SNTG2: variants seen among roughly 807,000 people sequenced by gnomAD.
SNTG2 encodes the protein syntrophin gamma 2.
SNTG2 carries 74 observed loss-of-function variants against 70.9 expected under a neutral mutation model. The ratio of observed to expected loss-of-function variants is 1.04; its 90% CI spans 0.86 to 1.27. SNTG2 has a LOEUF of 1.27. SNTG2 is among the 50% of genes most tolerant of loss of function. The pLI is 0.00. For missense variants in SNTG2, 717 were observed against 690.7 expected (o/e 1.04, Z -0.43); for synonymous variants, 278 against 273.8 (o/e 1.02, Z -0.15).
chr2:1,341,980 G>A (rs568583407), intron 16 of SNTG2, among the ~76,000 whole-genome samples: 2 of 152,064 alleles, frequency 1.3e-5, no homozygotes, highest in East Asian at 3.9e-4. Context: ...CAAAGCACTG[G>A]GATTACAGCT....
chr2:1,176,644 T>A (rs1280523343), intron 8 of SNTG2, among the ~76,000 whole-genome samples: 21 of 129,726 alleles, frequency 1.6e-4, no homozygotes, highest in Non-Finnish European at 2.8e-4. Flanking sequence ...TAAAACAAAT[T>A]TACAAGAAAA....
chr2:1,316,225 T>C (rs1453768489), intron 15 of SNTG2, 40 bp from the exon 16 acceptor site: 2 of 977,396 alleles, frequency 2.0e-6, no homozygotes, highest in Non-Finnish European at 3.1e-6. Context: ...ATAAATGAGC[T>C]CTTGTTTAGA....
chr2:1,000,610 A>C (rs1195765475), intron 1 of SNTG2, among the ~76,000 whole-genome samples: 1 of 151,766 alleles, frequency 6.6e-6, no homozygotes, highest in African/African-American at 2.4e-5. Context: ...TAACTTATTA[A>C]GTTGAATAAA....
chr2:1,286,034 C>G (rs1322505932), intron 14 of SNTG2, among the ~76,000 whole-genome samples: 1 of 152,238 alleles, frequency 6.6e-6, no homozygotes, highest in Admixed American at 6.5e-5. Context: ...TGTAACTCCT[C>G]TCTTAGCCTC....
At chr2:1,307,451 G>GTA (rs1680748425) in intron 14 of SNTG2, among the ~76,000 whole-genome samples, 1 of 151,716 alleles carries the variant, frequency 6.6e-6, no homozygotes, top group Admixed American at 6.6e-5. Flanking sequence ...GTGTGTGTGT[G>GTA]TGTGTGTATG....
intron 1 of SNTG2, among the ~76,000 whole-genome samples, chr2:965,532 C>T (rs912174429): frequency 1.3e-5 from 2 of 150,970 alleles, no homozygotes; most frequent in East Asian, 2.0e-4. Flanking sequence ...CCTGGCCTCT[C>T]GGTCCTCCTC....
chr2:1,057,491 C>G (rs1210778931), intron 1 of SNTG2, among the ~76,000 whole-genome samples: 2 of 152,100 alleles, frequency 1.3e-5, no homozygotes, highest in Non-Finnish European at 2.9e-5. Flanking sequence ...AGCTGGAGTC[C>G]GATGTGCGAG....
rs560254220 is a variant in SNTG2 at position 1,023,583 on chromosome 2, G to A, written c.73-59935G>A. ...TATTTTTATTTATGGTTTCATCGTC[G>A]AACATTTTTATGTTGTGGACAGTGT... is the stretch of plus-strand genomic sequence containing the variant. On this transcript the variant is annotated intron_variant, in intron 1 of 16. Transcript: ENST00000308624. 1.5e-3 allele frequency among the ~76,000 whole-genome samples: 227 copies of A among 152,134 alleles called. 1 individual carries two copies. Among genetic ancestry groups the A allele is most frequent in the African/African-American group, 5.3e-3 (219 of 41,496 alleles).
At chr2:1,102,173 C>T (rs542886131) in intron 4 of SNTG2, among the ~76,000 whole-genome samples, 24 of 152,242 alleles carry the variant, frequency 1.6e-4, no homozygotes, top group South Asian at 8.3e-4. Flanking sequence ...TGAGCGAAAC[C>T]GTGGTACAGA....
intron 14 of SNTG2, among the ~76,000 whole-genome samples, chr2:1,305,128 T>C (rs1041590315): frequency 6.6e-6 from 1 of 152,188 alleles, no homozygotes; most frequent in African/African-American, 2.4e-5. Flanking sequence ...AAGTTCAGTA[T>C]GAAAAGACTG....
At chr2:1,055,091 A>C (rs941901930) in intron 1 of SNTG2, among the ~76,000 whole-genome samples, 1 of 152,154 alleles carries the variant, frequency 6.6e-6, no homozygotes, top group African/African-American at 2.4e-5. Context: ...AGCCCACGTC[A>C]GGTACTGCTG....
chr2:1,002,979 A>G (rs1288725865), intron 1 of SNTG2, among the ~76,000 whole-genome samples: 1 of 152,032 alleles, frequency 6.6e-6, no homozygotes, highest in Non-Finnish European at 1.5e-5. Context: ...CATTATCTTA[A>G]ACGAATTAAC....
intron 15 of SNTG2, among the ~76,000 whole-genome samples, 174 bp downstream of exon 15, chr2:1,308,760 C>T (rs1015983631): frequency 2.0e-5 from 3 of 152,030 alleles, no homozygotes; most frequent in African/African-American, 4.8e-5. Context: ...GCCCCAGGAT[C>T]GCCACAAGCC....
rs141667135 is a variant in SNTG2 at position 1,323,729 on chromosome 2, C to T, written c.1488+7354C>T. Among the ~76,000 whole-genome samples, 914 of 148,908 alleles carry T rather than the reference C, an allele frequency of 6.1e-3. 4 individuals are homozygous for T. Among genetic ancestry groups the T allele is most frequent in the African/African-American group, 0.021 (859 of 40,294 alleles). Reference sequence around the variant, plus strand: ...GCTAACAGTCACATGGCTGAGACCTCCCCCCACCCAGTAGTGTGGGACATG... The same window carrying T: ...GCTAACAGTCACATGGCTGAGACCTTCCCCCACCCAGTAGTGTGGGACATG... On this transcript the variant is annotated intron_variant, in intron 16 of 16. Transcript: ENST00000308624.
chr2:1,061,232 C>T (rs1279039899), intron 1 of SNTG2, among the ~76,000 whole-genome samples: 2 of 152,108 alleles, frequency 1.3e-5, no homozygotes, highest in African/African-American at 4.8e-5. Flanking sequence ...GATGTGACAG[C>T]ACAAAGCCGT....
intron 4 of SNTG2, among the ~76,000 whole-genome samples, chr2:1,098,823 A>G (rs991394355): frequency 1.3e-5 from 2 of 152,238 alleles, no homozygotes; most frequent in Non-Finnish European, 2.9e-5. Context: ...TTGCAGGACT[A>G]GCTGACCGCG....
At chr2:1,055,120 G>A (rs1174377452) in intron 1 of SNTG2, among the ~76,000 whole-genome samples, 1 of 152,198 alleles carries the variant, frequency 6.6e-6, no homozygotes, top group African/African-American at 2.4e-5. Flanking sequence ...TATAAATGCT[G>A]TTAACTCTGC....
At chr2:1,003,449 G>A (rs767376699) in intron 1 of SNTG2, among the ~76,000 whole-genome samples, 5 of 152,148 alleles carry the variant, frequency 3.3e-5, no homozygotes, top group Non-Finnish European at 7.4e-5. Context: ...CCAGTTGGAG[G>A]CTTCCATAAT....
At chr2:1,289,229 A>G (rs952998455) in intron 14 of SNTG2, among the ~76,000 whole-genome samples, 2 of 152,022 alleles carry the variant, frequency 1.3e-5, no homozygotes, top group African/African-American at 4.8e-5. Context: ...ACTTGTCTGC[A>G]GCTCATTCTG....
Sources: allele counts gnomAD v4.1 joint callset (sites outside exome capture counted in the v4.1 genomes callset), GRCh38; gene constraint gnomAD v4.1.1; transcripts MANE v1.5; gene names NCBI Gene and HGNC (gene_info 2026-07-23, HGNC 2026-07-21).